CUX1: variants seen among roughly 807,000 people sequenced by gnomAD.
CUX1 encodes the protein cut like homeobox 1.
Under a neutral mutation model 158.8 loss-of-function variants are expected in CUX1, and 31 were observed. That is an observed-to-expected ratio of 0.20 (90% CI 0.15 to 0.26). The LOEUF is 0.26. CUX1 is among the 10% of genes least tolerant of loss of function. The pLI is 1.00. For missense variants in CUX1, 1,589 were observed against 2,014.6 expected (o/e 0.79, Z 4.04); for synonymous variants, 879 against 862.1 (o/e 1.02, Z -0.34).
At position 101,867,817 on chromosome 7, in the gene CUX1, CT is replaced by C. The variant is rs146017395; in HGVS notation, c.31-48285del. Among the ~76,000 whole-genome samples, 821 of 147,758 alleles carry C rather than the reference CT, an allele frequency of 5.6e-3. 3 individuals are homozygous for C. Among genetic ancestry groups the C allele is most frequent in the African/African-American group, 0.017 (705 of 40,490 alleles). ...AAATCAACTCAAAGTCCAAATGCAA[CT>C]TTTTTTTTTTTTCTGAGACAGGGTC... On this transcript the variant is annotated intron_variant, in intron 1 of 23. Transcript: ENST00000292535.
chr7:101,921,108 G>A (rs1466096776), intron 2 of CUX1, among the ~76,000 whole-genome samples: 2 of 152,162 alleles, frequency 1.3e-5, no homozygotes, highest in Admixed American at 6.5e-5. Context: ...ACAGGTGTGA[G>A]CCACTGCGCC....
At chr7:101,968,154 C>T (rs1232249606) in intron 2 of CUX1, among the ~76,000 whole-genome samples, 2 of 151,902 alleles carry the variant, frequency 1.3e-5, no homozygotes, top group African/African-American at 4.8e-5. Context: ...ATATTCCCAC[C>T]TTGGCCTCCC....
intron 1 of CUX1, among the ~76,000 whole-genome samples, chr7:101,885,949 G>A (rs1264433732): frequency 6.6e-6 from 1 of 152,188 alleles, no homozygotes; most frequent in Non-Finnish European, 1.5e-5. Flanking sequence ...AGGAAACTGA[G>A]GCACAGGGTC....
rs797039699 is a variant in CUX1 at position 102,254,805 on chromosome 7, G to A, written c.*5763G>A. ...ATGTGGTTGGATCTCAGCGTGTACT[G>A]AATGCCAGTCTGGCCGGCACACTCG... On this transcript the variant is annotated 3_prime_UTR_variant, in exon 24 of 24. Transcript: ENST00000292535. 6.1e-6 allele frequency: 6 copies of A among 985,482 alleles called. No homozygotes were observed. In the African/African-American group the frequency reaches 8.7e-5, roughly 14 times the overall value. 61.0% of individuals were successfully genotyped at this position (985,482 alleles called of 1,614,324 possible).
At chr7:101,932,013 C>T (rs1028209762) in intron 2 of CUX1, among the ~76,000 whole-genome samples, 6 of 152,178 alleles carry the variant, frequency 3.9e-5, no homozygotes, top group African/African-American at 1.4e-4. Context: ...GAGGGATCCA[C>T]GGAAACTACC....
At chr7:102,283,177 A>G (rs546771620) in exon 23 of CUX1, 49 of 1,126,530 alleles carry the variant, frequency 4.3e-5, no homozygotes, top group Non-Finnish European at 6.3e-5. Flanking sequence ...CCCCTGAAGA[A>G]TCCCCCATGG....
chr7:101,963,354 C>T (rs536844393), intron 2 of CUX1, among the ~76,000 whole-genome samples: 7 of 152,338 alleles, frequency 4.6e-5, no homozygotes, highest in East Asian at 3.9e-4. Flanking sequence ...TGCGCGACCA[C>T]GGTGGCCCAA....
At chr7:102,278,672 TATAAAATAAAATAA>T (rs1230824107) in intron 18 of CUX1, among the ~76,000 whole-genome samples, 7 of 119,034 alleles carry the variant, frequency 5.9e-5, no homozygotes, top group South Asian at 2.4e-4. Context: ...TAAAATAAAA[TATAAAATAAAATAA>T]ATAAAATAAA....
chr7:101,947,424 A>G (rs954505240), intron 2 of CUX1, among the ~76,000 whole-genome samples: 3 of 152,148 alleles, frequency 2.0e-5, no homozygotes, highest in Admixed American at 6.6e-5. Flanking sequence ...CCACCTCACT[A>G]TTCTAGGCCC....
rs146566285 is a variant in CUX1 at position 102,201,308 on chromosome 7, C to G, written c.2063-52C>G. On this transcript the variant is annotated intron_variant, in intron 17 of 23. Transcript: ENST00000292535. The surrounding 1 kb of genome is among the most constrained non-coding windows in gnomAD (Gnocchi z 5.0). The stretch of plus-strand genomic sequence containing the variant: ...TCAAGTTAGGATGAGAAGCATGTCC[C>G]CAGCTGAAGGGGGCCGCCCTGCCAC... The G allele has an allele frequency of 1.1e-3, 1,663 of 1,579,518 alleles. 14 individuals carry two copies. In the African/African-American group the frequency reaches 0.02, roughly 19 times the overall value.
rs782499410 is a variant in CUX1 at position 102,248,868 on chromosome 7, C to T, written c.4344C>T (p.Ser1448=). The change falls in exon 24 of 24, where the codon AGC becomes AGT. Residue 1448 remains serine, a synonymous_variant. Coordinates refer to ENST00000292535, the MANE Select transcript of CUX1 (RefSeq NM_181552.4). The surrounding 1 kb of genome is among the most constrained non-coding windows in gnomAD (Gnocchi z 5.8). ...APPPSNSSSS[S]APRRPSSLQS... is the part of the protein sequence containing the mutation. ...CGCCCAGCAACAGCAGCAGCAGCAG[C>T]GCCCCCCGCAGGCCCAGCTCGCTGC... The T allele has an allele frequency of 1.6e-5, 21 of 1,306,020 alleles. No individual in the cohort carries two copies. The Admixed American group carries it at 2.6e-4, about 16-fold the overall frequency. The allele number at this position is 1,306,020 out of a possible 1,614,324, so 80.9% of individuals were successfully genotyped here.
At chr7:101,866,252 A>T (rs1797916733) in intron 1 of CUX1, among the ~76,000 whole-genome samples, 1 of 152,060 alleles carries the variant, frequency 6.6e-6, no homozygotes. Flanking sequence ...ACTTGAGGCC[A>T]GGGGTTCGAG....
intron 1 of CUX1, among the ~76,000 whole-genome samples, chr7:101,892,115 A>T (rs1800942153): frequency 6.6e-6 from 1 of 152,202 alleles, no homozygotes; most frequent in African/African-American, 2.4e-5. Context: ...GCGGAGAGTC[A>T]GTCCGGACTT....
At chr7:102,131,662 T>C (rs1452006536) in intron 8 of CUX1, among the ~76,000 whole-genome samples, 1 of 147,666 alleles carries the variant, frequency 6.8e-6, no homozygotes, top group South Asian at 2.2e-4. Flanking sequence ...TTATTTATTT[T>C]TTATTTTATT....
rs190651730 is a variant in CUX1, at chr7:102,024,408, C to T, written c.142-3690C>T. On this transcript the variant is annotated intron_variant, in intron 2 of 23. Transcript: ENST00000292535. ...TTGGTGCAGTCTCAGCTCACTGCAG[C>T]CTCTGCCTCCGCGGTTTAAGCGATC... Among the ~76,000 whole-genome samples the T allele has an allele frequency of 8.9e-4, 135 of 152,266 alleles. 1 individual carries two copies. Among genetic ancestry groups the T allele is most frequent in the African/African-American group, 2.9e-3 (122 of 41,558 alleles).
At chr7:102,240,923 C>T (rs1046247656) in intron 23 of CUX1, among the ~76,000 whole-genome samples, 2 of 152,118 alleles carry the variant, frequency 1.3e-5, no homozygotes, top group Non-Finnish European at 2.9e-5. Context: ...CAGGTTCAAG[C>T]GACTCTCCTG....
intron 6 of CUX1, among the ~76,000 whole-genome samples, chr7:102,108,736 T>TTTTGTGTGTGTGTGTGTGTGTG (rs10529873): frequency 1.4e-4 from 20 of 145,060 alleles, no homozygotes; most frequent in African/African-American, 5.0e-4. Flanking sequence ...TTCATTCATT[T>TTTTGTGTGTGTGTGTGTGTGTG]TGTGTGTGTG....
At chr7:102,211,744 C>T (rs563262451) in intron 20 of CUX1, among the ~76,000 whole-genome samples, 1 of 142,120 alleles carries the variant, frequency 7.0e-6, no homozygotes, top group East Asian at 2.1e-4. Flanking sequence ...TGCACTATTG[C>T]ACTCCAGCAG....
chr7:101,865,198 C>T (rs1268653709), intron 1 of CUX1, among the ~76,000 whole-genome samples: 1 of 152,176 alleles, frequency 6.6e-6, no homozygotes, highest in Non-Finnish European at 1.5e-5. Context: ...TCGAGGTCCC[C>T]TTGTGGAACT....
Sources: allele counts gnomAD v4.1 joint callset (sites outside exome capture counted in the v4.1 genomes callset), GRCh38; gene constraint gnomAD v4.1.1; non-coding constraint Gnocchi (gnomAD v3.1); transcripts MANE v1.5; gene names NCBI Gene and HGNC (gene_info 2026-07-23, HGNC 2026-07-21).